Variants in FRY observed in about 807,000 individuals in gnomAD.
FRY encodes protein furry homolog.
Under a neutral mutation model 348.4 loss-of-function variants are expected in FRY, and 128 were observed. The observed-to-expected ratio is 0.37, with a 90% confidence interval of 0.32 to 0.43. The LOEUF (loss-of-function observed/expected upper bound fraction) is 0.43, where lower values mean the gene tolerates loss of function less well. Among genes scored for constraint, FRY ranks in the 20% least tolerant of loss-of-function variants. The pLI, the probability that FRY is intolerant of heterozygous loss-of-function variation, is 1.00. For synonymous variants in FRY, 1,370 were observed against 1,374.7 expected (o/e 1.00, Z 0.08); for missense variants, 2,736 against 3,695.2 (o/e 0.74, Z 6.73).
At chr13:32,111,944 T>C (rs758148055) in intron 3 of FRY, among the ~76,000 whole-genome samples, 17 of 152,226 alleles carry the variant, frequency 1.1e-4, no homozygotes, top group Admixed American at 2.6e-4. Context: ...AAGGGTCTAA[T>C]GCAGGACAGA....
At chr13:32,192,292 A>ATTTGT (rs907579803) in intron 28 of FRY, among the ~76,000 whole-genome samples, 4 of 151,230 alleles carry the variant, frequency 2.6e-5, no homozygotes, top group Non-Finnish European at 4.4e-5. Flanking sequence ...TTGTTTGTTT[A>ATTTGT]TTTGTTTTGT....
At chr13:32,281,805 G>A (rs1462147852) in intron 58 of FRY, among the ~76,000 whole-genome samples, 1 of 152,206 alleles carries the variant, frequency 6.6e-6, no homozygotes, top group East Asian at 1.9e-4. Context: ...GCAAGGCGGG[G>A]AGATTTGTTT....
At chr13:32,109,303 A>C (rs1456984345) in intron 3 of FRY, among the ~76,000 whole-genome samples, 3 of 152,330 alleles carry the variant, frequency 2.0e-5, no homozygotes, top group Non-Finnish European at 2.9e-5. Context: ...AAAAATGAAT[A>C]AGACAGAGCC....
At position 32,276,448 on chromosome 13, in the gene FRY, A is replaced by G. The variant is rs45438899; in HGVS notation, c.8287-16A>G. On this transcript the variant is annotated splice_polypyrimidine_tract_variant and intron_variant, in intron 56 of 60. Coordinates refer to ENST00000542859, the MANE Select transcript of FRY (RefSeq NM_023037.3). Reference sequence around the variant, plus strand: ...TATCTCTCTAGTTTTAATACCAATTATTTTCCTGTCTTTAGCTCCTTTCAT... The same window carrying G: ...TATCTCTCTAGTTTTAATACCAATTGTTTTCCTGTCTTTAGCTCCTTTCAT... The G allele has an allele frequency of 6.1e-3, 8,260 of 1,350,696 alleles. 40 individuals carry two copies. Among genetic ancestry groups the G allele is most frequent in the Non-Finnish European group, 7.5e-3 (7,036 of 939,600 alleles). The allele number at this position is 1,350,696 out of a possible 1,614,324, so 83.7% of individuals were successfully genotyped here. A position where few individuals can be genotyped will look rare whatever the true frequency, so the allele number is the denominator to read the frequency against.
rs11272632 is a variant in FRY, at chr13:32,031,999, C to CTCTTTCTTTCTTTCTTTCTT, written c.70+140_70+159dup. ...TTCTTTTTTTCTTTTCTTTTCTTTT[C>CTCTTTCTTTCTTTCTTTCTT]TCTTTCTTTCTTTCTTTCTTTCTTT... On this transcript the variant is annotated intron_variant, in intron 1 of 60. Coordinates refer to ENST00000542859, the MANE Select transcript of FRY (RefSeq NM_023037.3). 3.5e-3 allele frequency: 2,166 copies of CTCTTTCTTTCTTTCTTTCTT among 618,162 alleles called. 35 individuals carry two copies. The highest frequency in any genetic ancestry group is 0.022 in the African/African-American group (1,082 of 49,726). 38.3% of individuals were successfully genotyped at this position (618,162 alleles called of 1,614,324 possible).
At chr13:32,161,357 G>C in intron 17 of FRY, 106 bp downstream of exon 17, 1 of 846,996 alleles carries the variant, frequency 1.2e-6, no homozygotes, top group Admixed American at 1.8e-5. Flanking sequence ...TACCAAATGA[G>C]GTACTGGGTA....
In FRY at chr13:32,219,778, C is replaced by T. The variant is rs181574859; in HGVS notation, c.4765+947C>T. Among the ~76,000 whole-genome samples, 74 of 152,202 alleles carry T rather than the reference C, an allele frequency of 4.9e-4. 2 individuals are homozygous for T. The highest frequency in any genetic ancestry group is 3.4e-3 in the Middle Eastern group (1 of 294). On this transcript the variant is annotated intron_variant, in intron 36 of 60. Transcript: ENST00000542859. ...CGGTTCAACATTTCCACCTATCTTG[C>T]GAGTGGGTTTAACCTTGAAGCTTTG... is the stretch of plus-strand genomic sequence containing the variant.
chr13:32,206,943 A>T (rs1167256160), intron 31 of FRY, among the ~76,000 whole-genome samples: 2 of 152,126 alleles, frequency 1.3e-5, no homozygotes, highest in African/African-American at 4.8e-5. Flanking sequence ...CATTTTATTT[A>T]AAATATTTCT....
intron 1 of FRY, among the ~76,000 whole-genome samples, chr13:32,064,873 G>A (rs192350542): frequency 6.6e-4 from 101 of 152,250 alleles, no homozygotes; most frequent in South Asian, 1.5e-3. Context: ...GTCTTTTGAA[G>A]CGAAAATAGT....
At chr13:32,256,895 C>T (rs1414011723) in intron 51 of FRY, among the ~76,000 whole-genome samples, 3 of 152,194 alleles carry the variant, frequency 2.0e-5, no homozygotes, top group Admixed American at 2.0e-4. Flanking sequence ...ACTAACATGA[C>T]ATCACAACTG....
chr13:32,154,241 G>A (rs1385465159), intron 14 of FRY, among the ~76,000 whole-genome samples: 2 of 152,050 alleles, frequency 1.3e-5, no homozygotes, highest in African/African-American at 4.8e-5. Flanking sequence ...AATGGGCTTC[G>A]ATACACGGAT....
intron 46 of FRY, among the ~76,000 whole-genome samples, chr13:32,240,489 G>T (rs918291165): frequency 6.6e-6 from 1 of 152,120 alleles, no homozygotes; most frequent in East Asian, 1.9e-4. Flanking sequence ...CGCCTTTTAT[G>T]TTTGTTTTTA....
At chr13:32,193,183 A>G (rs1169357064) in intron 28 of FRY, among the ~76,000 whole-genome samples, 4 of 150,612 alleles carry the variant, frequency 2.7e-5, no homozygotes, top group African/African-American at 9.8e-5. Context: ...TATTAATTCT[A>G]TCTAGTATGA....
intron 46 of FRY, among the ~76,000 whole-genome samples, chr13:32,240,418 T>TA (rs1399159539): frequency 6.6e-6 from 1 of 152,250 alleles, no homozygotes; most frequent in Non-Finnish European, 1.5e-5. Context: ...TGTGGCTTGA[T>TA]ATGTTTAATG....
chr13:32,292,015 C>T, intron 59 of FRY: 1 of 449,884 alleles, frequency 2.2e-6, no homozygotes, highest in Non-Finnish European at 4.5e-6. Flanking sequence ...TGTAGTTGCA[C>T]TCTGTTGCCC....
chr13:32,275,716 CAG>C (rs1888502782), intron 56 of FRY, among the ~76,000 whole-genome samples: 1 of 152,212 alleles, frequency 6.6e-6, no homozygotes, highest in African/African-American at 2.4e-5. Flanking sequence ...AAGTCTCTAA[CAG>C]AGAGTTATTG....
In FRY at chr13:32,078,926, A is replaced by G; in HGVS notation, c.163A>G (p.Asn55Asp). 6.2e-7 allele frequency: 1 copy of G among 1,613,946 alleles called. No homozygotes were observed. The highest frequency in any genetic ancestry group is 8.5e-7 in the Non-Finnish European group (1 of 1,179,814). Reference protein sequence around the residue: ...EKGPPTMLPINVDPDSKPGEY... With the variant: ...EKGPPTMLPIDVDPDSKPGEY... ...AGGGCCGCCAACCATGCTACCCATC[A>G]ATGTGGACCCAGACAGTAAACCAGG... Residue 55 changes from asparagine to aspartate, a missense_variant, in exon 2 of 61, where the codon AAT (asparagine) becomes GAT (aspartate). Physicochemically the swap from Asn to Asp is conservative, Grantham distance 23 (BLOSUM62 1). Around this residue, in one of 9 missense-constraint regions of FRY, gnomAD observed 309 missense variants for 418.1 expected, o/e 0.74. Transcript: ENST00000542859.
rs182323445 is a variant in FRY at position 32,108,335 on chromosome 13, T to A, written c.324+6319T>A. Among the ~76,000 whole-genome samples, 15 of 152,174 alleles carry A rather than the reference T, an allele frequency of 9.9e-5. No homozygotes were observed. The East Asian group carries it at 2.7e-3, about 27-fold the overall frequency. ...AGTAGAATCGATAGGATTTGCTGAG[T>A]GTTGATGATGAGGAAGATAGGAAAT... On this transcript the variant is annotated intron_variant, in intron 3 of 60. Coordinates refer to ENST00000542859, the MANE Select transcript of FRY (RefSeq NM_023037.3).
intron 49 of FRY, among the ~76,000 whole-genome samples, chr13:32,250,932 A>G (rs922900609): frequency 1.3e-5 from 2 of 152,216 alleles, no homozygotes; most frequent in African/African-American, 4.8e-5. Context: ...TCGTTTAGCG[A>G]GTCTTCTGCC....
Sources: gnomAD v4.1 joint callset for allele counts (sites outside exome capture counted in the v4.1 genomes callset) on GRCh38, gnomAD v4.1.1 for gene constraint, gnomAD v4.1.1 regional missense constraint, MANE v1.5 for transcripts, NCBI Gene and HGNC (gene_info 2026-07-23, HGNC 2026-07-21) for gene names.